Variants in CADM2 observed in about 807,000 individuals in gnomAD.
CADM2 encodes the protein immunoglobulin superfamily member 4D.
A neutral mutation model predicts 49.8 loss-of-function variants in CADM2; 12 were observed. The observed-to-expected ratio is 0.24, with a 90% CI of 0.15 to 0.39. The LOEUF is 0.39. Ranked by LOEUF, CADM2 falls within the 10% of genes least tolerant of loss-of-function variation. CADM2 has a pLI of 1.00. For missense variants in CADM2, 378 were observed against 492.3 expected (o/e 0.77, Z 2.20); for synonymous variants, 214 against 175.4 (o/e 1.22, Z -1.74).
intron 1 of CADM2, among the ~76,000 whole-genome samples, chr3:85,292,428 C>A (rs1328230443): frequency 4.7e-5 from 7 of 147,546 alleles, no homozygotes; most frequent in South Asian, 4.3e-4. Context: ...TCAGCTCTGC[C>A]CCAAGCAGAC....
chr3:85,980,902 C>T (rs1727396978), intron 8 of CADM2, among the ~76,000 whole-genome samples: 1 of 151,192 alleles, frequency 6.6e-6, no homozygotes, highest in Non-Finnish European at 1.5e-5. Context: ...TTCAATTATG[C>T]CTTCTTCTTC....
At chr3:85,605,558 A>C (rs1359745058) in intron 1 of CADM2, among the ~76,000 whole-genome samples, 1 of 152,070 alleles carries the variant, frequency 6.6e-6, no homozygotes, top group African/African-American at 2.4e-5. Flanking sequence ...ATTAGAATCC[A>C]GACCTCCAAC....
chr3:85,513,845 T>C (rs2060832505), intron 1 of CADM2, among the ~76,000 whole-genome samples: 1 of 152,052 alleles, frequency 6.6e-6, no homozygotes, highest in Admixed American at 6.6e-5. Flanking sequence ...TGTTGTTTAA[T>C]GTACTCCAAG....
chr3:85,371,642 T>TGTGTGTGC (rs1468470161), intron 1 of CADM2, among the ~76,000 whole-genome samples: 1 of 138,666 alleles, frequency 7.2e-6, no homozygotes, highest in Non-Finnish European at 1.5e-5. Flanking sequence ...TGTGTGTGTG[T>TGTGTGTGC]GCATGGGGAT....
At chr3:85,943,436 C>T (rs1221949239) in intron 7 of CADM2, among the ~76,000 whole-genome samples, 1 of 147,050 alleles carries the variant, frequency 6.8e-6, no homozygotes, top group East Asian at 2.0e-4. Context: ...ATGGTAAAGC[C>T]TAGGTTTTCT....
In CADM2 at chr3:86,012,855, G is replaced by A. The variant is rs568158341; in HGVS notation, c.970+51208G>A. On this transcript the variant is annotated intron_variant, in intron 8 of 9. Coordinates refer to ENST00000383699, the MANE Select transcript of CADM2 (RefSeq NM_001167675.2). The stretch of plus-strand genomic sequence containing the variant: ...CCGGGAGCGGTGGCGGGCGCCTGTA[G>A]TCCCAGCTACTCGGGAGGCTGAGGC... The A allele has an allele frequency of 2.5e-4, 136 of 540,842 alleles. 1 individual carries two copies. The highest frequency in any genetic ancestry group is 1.2e-3 in the Admixed American group (40 of 33,362). The allele number at this position is 540,842 out of a possible 1,614,324, so 33.5% of individuals were successfully genotyped here.
At chr3:85,885,788 G>T (rs973541019) in intron 4 of CADM2, among the ~76,000 whole-genome samples, 2 of 145,916 alleles carry the variant, frequency 1.4e-5, no homozygotes, top group Non-Finnish European at 1.5e-5. Context: ...GGAGGCAAAG[G>T]TTGCAGTGAG....
intron 1 of CADM2, among the ~76,000 whole-genome samples, chr3:85,270,016 A>T (rs1271835172): frequency 1.3e-5 from 2 of 151,236 alleles, no homozygotes; most frequent in African/African-American, 2.4e-5. Flanking sequence ...AAGAAGCATC[A>T]TCTTCATCTA....
At chr3:85,831,875 G>T (rs1257275611) in intron 3 of CADM2, among the ~76,000 whole-genome samples, 2 of 151,248 alleles carry the variant, frequency 1.3e-5, no homozygotes, top group Admixed American at 6.6e-5. Context: ...AATTGGTTTT[G>T]GGAAGTTATA....
chr3:85,463,573 T>C (rs1359140712), intron 1 of CADM2, among the ~76,000 whole-genome samples: 1 of 152,180 alleles, frequency 6.6e-6, no homozygotes. Flanking sequence ...TGTAACTATT[T>C]ATATATATTC....
chr3:85,935,731 G>T, intron 6 of CADM2, 36 bp from the exon 7 acceptor site: 3 of 1,228,212 alleles, frequency 2.4e-6, no homozygotes, highest in Middle Eastern at 2.3e-4. Context: ...TTTTGTATGT[G>T]TTTAATTACC....
At chr3:85,754,184 G>A (rs1157925383) in intron 2 of CADM2, among the ~76,000 whole-genome samples, 1 of 152,142 alleles carries the variant, frequency 6.6e-6, no homozygotes, top group African/African-American at 2.4e-5. Context: ...GTCTCTTAAT[G>A]TGCACACTTG....
intron 2 of CADM2, among the ~76,000 whole-genome samples, chr3:85,756,059 G>A (rs2069104558): frequency 1.3e-5 from 2 of 152,116 alleles, no homozygotes; most frequent in African/African-American, 2.4e-5. Flanking sequence ...ACTCAAGTAT[G>A]GTTGAAAGGG....
intron 1 of CADM2, among the ~76,000 whole-genome samples, chr3:85,364,233 A>T (rs772952069): frequency 2.0e-5 from 3 of 152,210 alleles, no homozygotes; most frequent in Non-Finnish European, 2.9e-5. Flanking sequence ...GCACTCTACT[A>T]TATCAATTTT....
At chr3:85,710,264 GGAAAGAC>G (rs1432707224) in intron 1 of CADM2, among the ~76,000 whole-genome samples, 1 of 152,052 alleles carries the variant, frequency 6.6e-6, no homozygotes, top group Non-Finnish European at 1.5e-5. Flanking sequence ...GCTGTTGTCT[GGAAAGAC>G]TTCTCTTGCT....
At chr3:85,543,419 A>T (rs1182921382) in intron 1 of CADM2, among the ~76,000 whole-genome samples, 2 of 33,838 alleles carry the variant, frequency 5.9e-5, no homozygotes, top group African/African-American at 1.2e-4. Context: ...ATGCCAAGCT[A>T]ATGTGTGTGT....
intron 3 of CADM2, among the ~76,000 whole-genome samples, chr3:85,842,723 C>T (rs888662385): frequency 1.3e-5 from 2 of 152,082 alleles, no homozygotes; most frequent in African/African-American, 4.8e-5. Context: ...TTCAACTTTT[C>T]ATCTGTTTAT....
At chr3:85,971,210 A>G (rs1726081040) in intron 8 of CADM2, among the ~76,000 whole-genome samples, 1 of 151,570 alleles carries the variant, frequency 6.6e-6, no homozygotes. Flanking sequence ...ATCTGAACCA[A>G]CGCCCTTATG....
intron 1 of CADM2, among the ~76,000 whole-genome samples, chr3:85,249,249 T>A (rs899806373): frequency 3.3e-5 from 5 of 152,078 alleles, no homozygotes; most frequent in African/African-American, 1.2e-4. Context: ...GGTACAGAAT[T>A]TTTACCAATT....
Sources: gnomAD v4.1 joint callset for allele counts (sites outside exome capture counted in the v4.1 genomes callset) on GRCh38, gnomAD v4.1.1 for gene constraint, MANE v1.5 for transcripts, NCBI Gene and HGNC (gene_info 2026-07-23, HGNC 2026-07-21) for gene names.